VPS33B: variants seen among roughly 807,000 people sequenced by gnomAD.
The protein encoded by VPS33B is VPS33B late endosome and lysosome associated, also known as vacuolar protein sorting-associated protein 33B.
Under a neutral mutation model 95.3 loss-of-function variants are expected in VPS33B, and 80 were observed. That is an observed-to-expected ratio of 0.84 (90% CI 0.70 to 1.01). The LOEUF (loss-of-function observed/expected upper bound fraction) is 1.01, where lower values mean the gene tolerates loss of function less well. Ranked by LOEUF, VPS33B falls within the 50% of genes least tolerant of loss-of-function variation. The pLI, the probability that VPS33B is intolerant of heterozygous loss-of-function variation, is 0.00. For synonymous variants in VPS33B, 280 were observed against 280.4 expected (o/e 1.00, Z 0.01); for missense variants, 715 against 773.4 (o/e 0.92, Z 0.90).
chr15:90,999,250 A>G lies in VPS33B; in HGVS notation c.1775-196T>C. On this transcript the variant is annotated intron_variant, in intron 22 of 22. Transcript: ENST00000333371. The surrounding 1 kb of genome is among the most constrained non-coding windows in gnomAD (Gnocchi z 5.1). ...TGGGCTCCCTGCTGTGGCAGCCCAG[A>G]GTTAAGGCTATGGCAAGTTGTATTC... 3.1e-6 allele frequency: 2 copies of G among 643,350 alleles called. No homozygotes were observed. Among genetic ancestry groups the G allele is most frequent in the South Asian group, 3.4e-5 (2 of 58,084 alleles). The allele number at this position is 643,350 out of a possible 1,614,324, so 39.9% of individuals were successfully genotyped here.
At chr15:91,001,584 A>C (rs867446946) in intron 18 of VPS33B, 122 bp from the exon 19 acceptor site, 2 of 827,268 alleles carry the variant, frequency 2.4e-6, no homozygotes. Context: ...AAGCTGTTCA[A>C]CTATAATTCC....
chr15:90,998,831 G>A lies in VPS33B; in HGVS notation c.*144C>T, dbSNP rs2151660808. On this transcript the variant is annotated 3_prime_UTR_variant, in exon 23 of 23. Coordinates refer to ENST00000333371, the MANE Select transcript of VPS33B (RefSeq NM_018668.5). The surrounding 1 kb of genome is among the most constrained non-coding windows in gnomAD (Gnocchi z 4.8). ...GAAGTGAACTCTTTTCTCAGATAATGTTCTCTAAATCCCAACACGTTCCAT... is the reference window on the plus strand; with the variant it reads ...GAAGTGAACTCTTTTCTCAGATAATATTCTCTAAATCCCAACACGTTCCAT... The A allele has an allele frequency of 1.2e-6, 1 of 844,156 alleles. No individual in the cohort carries two copies. Among genetic ancestry groups the A allele is most frequent in the East Asian group, 2.7e-5 (1 of 37,684 alleles). The allele number at this position is 844,156 out of a possible 1,614,324, so 52.3% of individuals were successfully genotyped here.
At chr15:91,020,706 C>A (rs2041077932) in intron 1 of VPS33B, among the ~76,000 whole-genome samples, 2 of 152,044 alleles carry the variant, frequency 1.3e-5, no homozygotes, top group South Asian at 2.1e-4. Flanking sequence ...CATGGTGAAA[C>A]CCTATCTCTA....
At chr15:91,014,076 C>T (rs192784064) in intron 4 of VPS33B, among the ~76,000 whole-genome samples, 8 of 151,946 alleles carry the variant, frequency 5.3e-5, no homozygotes, top group East Asian at 1.9e-4. Context: ...AAAATTAGCC[C>T]GATCTGGTGG....
intron 1 of VPS33B, among the ~76,000 whole-genome samples, chr15:91,019,271 C>T (rs964377129): frequency 6.6e-6 from 1 of 151,938 alleles, no homozygotes; most frequent in Non-Finnish European, 1.5e-5. Flanking sequence ...GCGCATGCCA[C>T]CACACCTGGC....
In VPS33B at chr15:91,005,902, G is replaced by A. The variant is rs2040588484; in HGVS notation, c.939+71C>T. ...GGGAACCTGTCATAGTATTAGAAGGGGAGCCCAAGGGCAGCAGCCTTGGGA... is the reference window on the plus strand; with the variant it reads ...GGGAACCTGTCATAGTATTAGAAGGAGAGCCCAAGGGCAGCAGCCTTGGGA... On this transcript the variant is annotated intron_variant, in intron 12 of 22. Transcript: ENST00000333371. The surrounding 1 kb of genome is among the most constrained non-coding windows in gnomAD (Gnocchi z 6.4). 1 of 1,606,536 alleles carries A rather than the reference G, an allele frequency of 6.2e-7. No homozygotes were observed. The highest frequency in any genetic ancestry group is 1.7e-5 in the Admixed American group (1 of 59,086).
chr15:91,020,651 C>G (rs971358300), intron 1 of VPS33B, among the ~76,000 whole-genome samples: 1 of 152,270 alleles, frequency 6.6e-6, no homozygotes, highest in Non-Finnish European at 1.5e-5. Context: ...GAGGCTGGGA[C>G]GGGCAGATTA....
At chr15:91,016,769 A>G (rs1278282498) in intron 3 of VPS33B, among the ~76,000 whole-genome samples, 194 bp downstream of exon 3, 1 of 152,220 alleles carries the variant, frequency 6.6e-6, no homozygotes, top group Non-Finnish European at 1.5e-5. Context: ...TAAATTAGAG[A>G]GGGAAGAGGA....
In VPS33B at chr15:91,013,321, T is replaced by C. The variant is rs114518595; in HGVS notation, c.357+483A>G. Reference sequence around the variant, plus strand: ...GATGCGTTAGTGACAGGTATTAGGTTCAATCACACATAATTTGCTTTGAGG... The same window carrying C: ...GATGCGTTAGTGACAGGTATTAGGTCCAATCACACATAATTTGCTTTGAGG... On this transcript the variant is annotated intron_variant, in intron 5 of 22. Coordinates refer to ENST00000333371, the MANE Select transcript of VPS33B (RefSeq NM_018668.5). This position sits in a 1 kb window ranked among gnomAD's most constrained non-coding sequence, Gnocchi z 4.5. Among the ~76,000 whole-genome samples the C allele has an allele frequency of 0.01, 1,548 of 152,312 alleles. 27 individuals are homozygous for C. The highest frequency in any genetic ancestry group is 0.034 in the African/African-American group (1,416 of 41,552).
Position 91,002,447 on chromosome 15 carries a change from A to G in VPS33B, c.1273-265T>C, listed in dbSNP as rs529258630. Among the ~76,000 whole-genome samples, 1 of 152,098 alleles carries G rather than the reference A, an allele frequency of 6.6e-6. No individual in the cohort carries two copies. Among genetic ancestry groups the G allele is most frequent in the East Asian group, 1.9e-4 (1 of 5,188 alleles). On this transcript the variant is annotated intron_variant, in intron 17 of 22. Coordinates refer to ENST00000333371, the MANE Select transcript of VPS33B (RefSeq NM_018668.5). This position sits in a 1 kb window ranked among gnomAD's most constrained non-coding sequence, Gnocchi z 4.7. Reference sequence around the variant, plus strand: ...GGAGTTTGAGACCAGCCTGGCCAACATGGTGAAACCCCATCTCTACTAAAA... The same window carrying G: ...GGAGTTTGAGACCAGCCTGGCCAACGTGGTGAAACCCCATCTCTACTAAAA...
intron 16 of VPS33B, among the ~76,000 whole-genome samples, chr15:91,004,459 G>A (rs1263151289): frequency 2.6e-5 from 4 of 152,066 alleles, no homozygotes; most frequent in African/African-American, 7.3e-5. Flanking sequence ...AGCCGAGATC[G>A]CACCACTGTA....
At position 91,005,712 on chromosome 15, in the gene VPS33B, G is replaced by A. The variant is rs752501003; in HGVS notation, c.1012C>T (p.His338Tyr). The change falls in exon 13 of 23, where the codon CAC becomes TAC. Residue 338 changes from histidine to tyrosine, a missense_variant. Transcript: ENST00000333371. This position sits in a 1 kb window ranked among gnomAD's most constrained non-coding sequence, Gnocchi z 6.4. ...AACCTACGGAGACTCAGCAGGCGGT[G>A]CTCCTGTTTCAGGCCCTTGAGCTCC... ...SQELKGLKQEHRLLSLHIGAC... is the reference protein window; with the variant it reads ...SQELKGLKQEYRLLSLHIGAC... The A allele has an allele frequency of 3.7e-6, 6 of 1,614,128 alleles. No homozygotes were observed. The highest frequency in any genetic ancestry group is 5.1e-6 in the Non-Finnish European group (6 of 1,180,026).
chr15:91,009,746 G>C lies in VPS33B; in HGVS notation c.403+55C>G. 1 of 1,605,564 alleles carries C rather than the reference G, an allele frequency of 6.2e-7. No homozygotes were observed. Among genetic ancestry groups the C allele is most frequent in the Non-Finnish European group, 8.5e-7 (1 of 1,172,742 alleles). On this transcript the variant is annotated intron_variant, in intron 6 of 22. Coordinates refer to ENST00000333371, the MANE Select transcript of VPS33B (RefSeq NM_018668.5). This position sits in a 1 kb window ranked among gnomAD's most constrained non-coding sequence, Gnocchi z 4.1. Reference sequence around the variant, plus strand: ...GTGGGGGGGTTGGAGAACAACAACAGTTTTTTCTTCTGTATGTTCTCTTTC... The same window carrying C: ...GTGGGGGGGTTGGAGAACAACAACACTTTTTTCTTCTGTATGTTCTCTTTC...
In VPS33B at chr15:90,998,988, T is replaced by A. The variant is rs1036076494; in HGVS notation, c.1841A>T (p.Glu614Val). ...CCGGGAAAAACATCAGGCTTTCACCTCACTCATGGCCTCCATAAGGCGAGC... is the reference window on the plus strand; with the variant it reads ...CCGGGAAAAACATCAGGCTTTCACCACACTCATGGCCTCCATAAGGCGAGC... ...NSARLMEAMS[E>V]VKA is the part of the protein sequence containing the mutation. Residue 614 changes from glutamate to valine, a missense_variant, in exon 23 of 23, where the codon GAG becomes GTG. Coordinates refer to ENST00000333371, the MANE Select transcript of VPS33B (RefSeq NM_018668.5). This position sits in a 1 kb window ranked among gnomAD's most constrained non-coding sequence, Gnocchi z 4.8. 1.2e-6 allele frequency: 2 copies of A among 1,614,034 alleles called. No homozygotes were observed. The highest frequency in any genetic ancestry group is 2.7e-5 in the African/African-American group (2 of 74,928).
intron 1 of VPS33B, 72 bp from the exon 2 acceptor site, chr15:91,017,957 A>G (rs2040991595): frequency 4.3e-6 from 6 of 1,395,206 alleles, no homozygotes; most frequent in Non-Finnish European, 1.0e-6. Context: ...TGGCCCAGCC[A>G]CCCATCTAAC....
At position 91,007,398 on chromosome 15, in the gene VPS33B, G is replaced by A. The variant is rs878945116; in HGVS notation, c.603+71C>T. The A allele has an allele frequency of 1.9e-5, 28 of 1,442,090 alleles. No homozygotes were observed. The South Asian group carries it at 2.7e-4, about 14-fold the overall frequency. The allele number at this position is 1,442,090 out of a possible 1,614,324, so 89.3% of individuals were successfully genotyped here. A position where few individuals can be genotyped will look rare whatever the true frequency, so the allele number is the denominator to read the frequency against. On this transcript the variant is annotated intron_variant, in intron 8 of 22. Transcript: ENST00000333371. The surrounding 1 kb of genome is among the most constrained non-coding windows in gnomAD (Gnocchi z 5.3). Reference sequence around the variant, plus strand: ...ACACCTCATATCACAGGTGCCCTTGGATAACCCCAGGAGGGTACAGAACAG... The same window carrying A: ...ACACCTCATATCACAGGTGCCCTTGAATAACCCCAGGAGGGTACAGAACAG...
chr15:91,013,794 C>T lies in VPS33B; in HGVS notation c.357+10G>A. 6.2e-7 allele frequency: 1 copy of T among 1,614,180 alleles called. No individual in the cohort carries two copies. Among genetic ancestry groups the T allele is most frequent in the Non-Finnish European group, 8.5e-7 (1 of 1,180,018 alleles). ...TACCTTATCCCACTTCCTCCAGGAT[C>T]CAAACTCACCTTTTGAGGGCTGAAG... On this transcript the variant is annotated intron_variant, in intron 5 of 22. Transcript: ENST00000333371. This position sits in a 1 kb window ranked among gnomAD's most constrained non-coding sequence, Gnocchi z 4.5.
intron 1 of VPS33B, among the ~76,000 whole-genome samples, chr15:91,021,822 G>A (rs1306527836): frequency 6.6e-6 from 1 of 152,240 alleles, no homozygotes; most frequent in Non-Finnish European, 1.5e-5. Context: ...TACCACCTGT[G>A]TGTGATAATT....
chr15:91,007,153 C>CAAG lies in VPS33B; in HGVS notation c.604-108_604-107insCTT. On this transcript the variant is annotated intron_variant, in intron 8 of 22. Transcript: ENST00000333371. This position sits in a 1 kb window ranked among gnomAD's most constrained non-coding sequence, Gnocchi z 5.3. ...GTGATACTTCCTCTTGTCCCCGAGA[C>CAAG]AGGAGCTAATTATTCACAATATGGC... 1.6e-6 allele frequency: 2 copies of CAAG among 1,236,884 alleles called. No individual in the cohort carries two copies. The highest frequency in any genetic ancestry group is 2.3e-6 in the Non-Finnish European group (2 of 852,758). 76.6% of individuals were successfully genotyped at this position (1,236,884 alleles called of 1,614,324 possible). A position where few individuals can be genotyped will look rare whatever the true frequency, so the allele number is the denominator to read the frequency against.
Sources: allele counts gnomAD v4.1 joint callset (sites outside exome capture counted in the v4.1 genomes callset), GRCh38; gene constraint gnomAD v4.1.1; non-coding constraint Gnocchi (gnomAD v3.1); transcripts MANE v1.5; gene names NCBI Gene and HGNC (gene_info 2026-07-23, HGNC 2026-07-21).